DLG2: variants seen among roughly 807,000 people sequenced by gnomAD.
DLG2 encodes the protein discs large MAGUK scaffold protein 2.
In DLG2, 45 loss-of-function variants were observed where a neutral mutation model predicts 132.5. That is an observed-to-expected ratio of 0.34 (90% CI 0.27 to 0.44). DLG2 has a LOEUF of 0.44. Among genes scored for constraint, DLG2 ranks in the 20% least tolerant of loss-of-function variants. The pLI, the probability that DLG2 is intolerant of heterozygous loss-of-function variation, is 1.00. For missense variants in DLG2, 1,045 were observed against 1,196.9 expected (o/e 0.87, Z 1.87); for synonymous variants, 424 against 419.6 (o/e 1.01, Z -0.13).
Position 84,787,207 on chromosome 11 carries a change from T to C in DLG2, c.358-252476A>G, listed in dbSNP as rs1401141603. Among the ~76,000 whole-genome samples the C allele has an allele frequency of 2.0e-5, 3 of 152,124 alleles. No homozygotes were observed. In the East Asian group the frequency reaches 5.8e-4, roughly 29 times the overall value. On this transcript the variant is annotated intron_variant, in intron 6 of 27. Transcript: ENST00000376104. Reference sequence around the variant, plus strand: ...ACTCTTGGCAAGTGTCTCTGGTAAGTTTTCCATTAGGGGGCTTCTGTACTT... The same window carrying C: ...ACTCTTGGCAAGTGTCTCTGGTAAGCTTTCCATTAGGGGGCTTCTGTACTT...
chr11:85,157,950 C>A (rs2077714192), intron 4 of DLG2, among the ~76,000 whole-genome samples: 1 of 151,160 alleles, frequency 6.6e-6, no homozygotes, highest in Non-Finnish European at 1.5e-5. Context: ...AGGAGATAAA[C>A]CCCGCACTGC....
intron 3 of DLG2, among the ~76,000 whole-genome samples, chr11:85,347,577 G>A (rs2082937045): frequency 6.6e-6 from 1 of 151,958 alleles, no homozygotes; most frequent in South Asian, 2.1e-4. Context: ...CTATATAAAA[G>A]GGTATATAAG....
intron 18 of DLG2, among the ~76,000 whole-genome samples, chr11:83,695,791 G>T (rs910822110): frequency 6.6e-6 from 1 of 152,040 alleles, no homozygotes; most frequent in African/African-American, 2.4e-5. Flanking sequence ...TACCTAGAAG[G>T]CCTAAGAAGC....
intron 21 of DLG2, among the ~76,000 whole-genome samples, chr11:83,524,105 G>C (rs1337800880): frequency 6.6e-6 from 1 of 152,042 alleles, no homozygotes. Context: ...GGTAGGGGTG[G>C]GCAAAAGATA....
intron 8 of DLG2, among the ~76,000 whole-genome samples, chr11:84,194,487 A>G (rs375800167): frequency 1.3e-5 from 2 of 152,214 alleles, no homozygotes; most frequent in Non-Finnish European, 1.5e-5. Flanking sequence ...GTGAAAGAAC[A>G]AAGACCCGAG....
chr11:85,538,014 G>T (rs559107570), intron 3 of DLG2, among the ~76,000 whole-genome samples: 1 of 152,032 alleles, frequency 6.6e-6, no homozygotes, highest in East Asian at 1.9e-4. Context: ...TACTTGAGAG[G>T]CTGAGGCAGG....
chr11:84,387,320 T>G (rs994442949), intron 7 of DLG2, among the ~76,000 whole-genome samples: 2 of 152,142 alleles, frequency 1.3e-5, no homozygotes, highest in Non-Finnish European at 2.9e-5. Context: ...GTACATAAAT[T>G]ACCTCTCTCC....
At chr11:85,377,803 A>ATATATGTGTG (rs35141583) in intron 3 of DLG2, among the ~76,000 whole-genome samples, 63 of 131,308 alleles carry the variant, frequency 4.8e-4, no homozygotes, top group African/African-American at 1.3e-3. Flanking sequence ...ATATATATAT[A>ATATATGTGTG]TGTGTGTGTG....
chr11:83,495,735 T>C (rs1329276252), intron 21 of DLG2, among the ~76,000 whole-genome samples: 9 of 152,138 alleles, frequency 5.9e-5, no homozygotes, highest in Admixed American at 3.9e-4. Context: ...CATGCCCACC[T>C]GGATGTCCCA....
At chr11:84,151,745 C>A (rs975013184) in intron 9 of DLG2, among the ~76,000 whole-genome samples, 9 of 152,194 alleles carry the variant, frequency 5.9e-5, no homozygotes, top group Non-Finnish European at 1.2e-4. Flanking sequence ...TATGTCACAG[C>A]TCTGTTTTCA....
At chr11:85,364,266 T>C (rs899677403) in intron 3 of DLG2, among the ~76,000 whole-genome samples, 2 of 152,114 alleles carry the variant, frequency 1.3e-5, no homozygotes, top group African/African-American at 4.8e-5. Context: ...GGCCTTACTA[T>C]TATGGTGCAA....
chr11:83,951,466 T>C lies in DLG2; in HGVS notation c.1340+11419A>G, dbSNP rs375221755. Among the ~76,000 whole-genome samples the C allele has an allele frequency of 7.2e-5, 11 of 152,110 alleles. No homozygotes were observed. The East Asian group carries it at 1.9e-3, about 27-fold the overall frequency. On this transcript the variant is annotated intron_variant, in intron 14 of 27. Coordinates refer to ENST00000376104, the MANE Select transcript of DLG2 (RefSeq NM_001142699.3). ...AAGGGAACACAGGACGAAAGGGTGATCGTGGATGGCTCATATTTATCTGAG... is the reference window on the plus strand; with the variant it reads ...AAGGGAACACAGGACGAAAGGGTGACCGTGGATGGCTCATATTTATCTGAG...
At chr11:83,714,402 A>T (rs1195633010) in intron 18 of DLG2, among the ~76,000 whole-genome samples, 1 of 152,196 alleles carries the variant, frequency 6.6e-6, no homozygotes, top group Admixed American at 6.5e-5. Flanking sequence ...ATCTGACTCC[A>T]TATGGTAGAT....
At chr11:85,251,299 T>G (rs901203799) in intron 4 of DLG2, among the ~76,000 whole-genome samples, 1 of 152,226 alleles carries the variant, frequency 6.6e-6, no homozygotes, top group Non-Finnish European at 1.5e-5. Context: ...TTCATTAACA[T>G]CTAGTCAAAA....
chr11:83,599,442 C>A (rs1328798932), intron 19 of DLG2, among the ~76,000 whole-genome samples: 1 of 152,158 alleles, frequency 6.6e-6, no homozygotes, highest in African/African-American at 2.4e-5. Flanking sequence ...TATCTATCGC[C>A]TCCCTCCCTA....
intron 3 of DLG2, among the ~76,000 whole-genome samples, chr11:85,496,518 G>T (rs931647125): frequency 6.6e-6 from 1 of 152,156 alleles, no homozygotes; most frequent in South Asian, 2.1e-4. Context: ...GTAGCAAACA[G>T]CTTCCCCATA....
At chr11:85,292,101 C>T (rs2078931007) in intron 3 of DLG2, among the ~76,000 whole-genome samples, 2 of 152,146 alleles carry the variant, frequency 1.3e-5, no homozygotes, top group Admixed American at 1.3e-4. Flanking sequence ...CTTGGTTCTG[C>T]TTAGGGAGTC....
intron 3 of DLG2, among the ~76,000 whole-genome samples, chr11:85,568,595 A>C (rs1317469641): frequency 2.6e-5 from 4 of 152,072 alleles, no homozygotes; most frequent in Non-Finnish European, 5.9e-5. Context: ...CAATATCTTT[A>C]CTTGTTATCA....
chr11:84,145,596 T>C (rs1366016940), intron 9 of DLG2, among the ~76,000 whole-genome samples: 1 of 152,120 alleles, frequency 6.6e-6, no homozygotes, highest in African/African-American at 2.4e-5. Flanking sequence ...ATCAGGGCCA[T>C]GTCAAAGATG....
Sources: gnomAD v4.1 joint callset for allele counts (sites outside exome capture counted in the v4.1 genomes callset) on GRCh38, gnomAD v4.1.1 for gene constraint, MANE v1.5 for transcripts, NCBI Gene and HGNC (gene_info 2026-07-23, HGNC 2026-07-21) for gene names.